Variants in PIGL observed in about 807,000 individuals in gnomAD.
PIGL encodes phosphatidylinositol glycan anchor biosynthesis class L.
PIGL carries 22 observed loss-of-function variants against 31.1 expected under a neutral mutation model. The observed-to-expected ratio is 0.71, with a 90% CI of 0.51 to 1.01. The LOEUF is 1.01. PIGL is among the 50% of genes least tolerant of loss of function. The probability of loss-of-function intolerance (pLI) is 0.00; values close to 1 mark genes in which losing one functional copy is unlikely to be tolerated. For missense variants in PIGL, 302 were observed against 315.9 expected (o/e 0.96, Z 0.33); for synonymous variants, 131 against 117.4 (o/e 1.12, Z -0.75).
intron 6 of PIGL, among the ~76,000 whole-genome samples, chr17:16,322,428 T>C (rs1214783728): frequency 1.3e-5 from 2 of 152,208 alleles, no homozygotes; most frequent in African/African-American, 4.8e-5. Flanking sequence ...CTTGAAAGGT[T>C]AGCTTTGTTT....
rs2093063697 is a variant in PIGL at position 16,313,542 on chromosome 17, T to A, written c.427-5T>A. 6.2e-7 allele frequency: 1 copy of A among 1,609,122 alleles called. No individual in the cohort carries two copies. The highest frequency in any genetic ancestry group is 1.7e-4 in the Middle Eastern group (1 of 6,048). Reference sequence around the variant, plus strand: ...ATTCAGTGAAAACCCTGTGTTTCTCTACAGGTGGTGACTTTCGATGCAGGG... The same window carrying A: ...ATTCAGTGAAAACCCTGTGTTTCTCAACAGGTGGTGACTTTCGATGCAGGG... On this transcript the variant is annotated splice_region_variant and splice_polypyrimidine_tract_variant and intron_variant, in intron 3 of 6. Transcript: ENST00000225609.
chr17:16,287,346 A>AT lies in PIGL; in HGVS notation c.336-12538dup, dbSNP rs551282179. ...TGGGAAGATGGACAGTTGTAAGATG[A>AT]TTTTCTTACAACTTTCAGACAGTCC... On this transcript the variant is annotated intron_variant, in intron 2 of 6. Transcript: ENST00000225609. 4.4e-3 allele frequency among the ~76,000 whole-genome samples: 671 copies of AT among 152,286 alleles called. 7 individuals are homozygous for AT. The highest frequency in any genetic ancestry group is 0.015 in the African/African-American group (627 of 41,542).
intron 2 of PIGL, among the ~76,000 whole-genome samples, chr17:16,237,304 C>T (rs926742205): frequency 6.6e-5 from 10 of 151,596 alleles, no homozygotes; most frequent in Middle Eastern, 3.4e-3. Flanking sequence ...GAAGGGGTTT[C>T]GCCATGTTGG....
chr17:16,234,927 A>G (rs1410286168), intron 2 of PIGL, among the ~76,000 whole-genome samples: 1 of 152,240 alleles, frequency 6.6e-6, no homozygotes, highest in South Asian at 2.1e-4. Context: ...ATACAAAAGT[A>G]TAAAGAATAG....
intron 6 of PIGL, among the ~76,000 whole-genome samples, chr17:16,318,845 C>T (rs1001168316): frequency 6.6e-6 from 1 of 151,496 alleles, no homozygotes; most frequent in African/African-American, 2.4e-5. Context: ...GCAGAAGAAT[C>T]GCATGAACCC....
intron 2 of PIGL, among the ~76,000 whole-genome samples, chr17:16,284,325 TC>T (rs2092928700): frequency 1.3e-5 from 2 of 152,088 alleles, no homozygotes; most frequent in Non-Finnish European, 2.9e-5. Flanking sequence ...TCCATTCTCC[TC>T]CACCTCCCAA....
At chr17:16,222,734 A>G (rs2092634982) in intron 1 of PIGL, among the ~76,000 whole-genome samples, 3 of 151,108 alleles carry the variant, frequency 2.0e-5, no homozygotes, top group Admixed American at 2.0e-4. Flanking sequence ...AAAAGAGGCC[A>G]GGCACAGTAG....
intron 2 of PIGL, among the ~76,000 whole-genome samples, chr17:16,271,706 A>G (rs2092873661): frequency 1.3e-5 from 2 of 151,710 alleles, no homozygotes; most frequent in South Asian, 4.2e-4. Flanking sequence ...TAATTTTTGT[A>G]TTTTTAGTAG....
intron 2 of PIGL, among the ~76,000 whole-genome samples, chr17:16,256,095 G>A (rs1018760160): frequency 2.6e-5 from 4 of 152,122 alleles, no homozygotes; most frequent in Admixed American, 6.6e-5. Flanking sequence ...CATTGGAAGA[G>A]GTTGTTTGGA....
intron 3 of PIGL, among the ~76,000 whole-genome samples, chr17:16,307,421 A>G (rs990662626): frequency 6.6e-6 from 1 of 152,216 alleles, no homozygotes; most frequent in Admixed American, 6.5e-5. Context: ...GCATGTTTCC[A>G]GCCTGTGCTG....
intron 3 of PIGL, among the ~76,000 whole-genome samples, chr17:16,311,891 C>T (rs1042931948): frequency 6.6e-6 from 1 of 152,220 alleles, no homozygotes; most frequent in Non-Finnish European, 1.5e-5. Context: ...TCTGATTTCT[C>T]TATCTTTTCC....
At chr17:16,253,045 G>T (rs993790211) in intron 2 of PIGL, among the ~76,000 whole-genome samples, 1 of 152,084 alleles carries the variant, frequency 6.6e-6, no homozygotes, top group Non-Finnish European at 1.5e-5. Context: ...TAGAGAAACC[G>T]CATTTCTACT....
intron 6 of PIGL, among the ~76,000 whole-genome samples, chr17:16,323,371 T>G (rs1418426346): frequency 6.6e-6 from 1 of 151,988 alleles, no homozygotes; most frequent in Non-Finnish European, 1.5e-5. Flanking sequence ...GTAGCTGGGA[T>G]TACAGGCAGG....
At chr17:16,301,723 C>G (rs987962727) in intron 3 of PIGL, among the ~76,000 whole-genome samples, 1 of 151,952 alleles carries the variant, frequency 6.6e-6, no homozygotes, top group Admixed American at 6.6e-5. Context: ...AGGCGCCCAC[C>G]ACCACACCCA....
At chr17:16,288,540 CTTTTTCTTTTTTTTT>C (rs1295937082) in intron 2 of PIGL, among the ~76,000 whole-genome samples, 6 of 112,418 alleles carry the variant, frequency 5.3e-5, no homozygotes, top group Non-Finnish European at 1.2e-4. Context: ...TCTTTTTTTT[CTTTTTCTTTTTTTTT>C]GAAACCGGAG....
intron 2 of PIGL, among the ~76,000 whole-genome samples, chr17:16,282,995 A>G (rs2092922716): frequency 7.2e-6 from 1 of 138,256 alleles, no homozygotes; most frequent in African/African-American, 2.5e-5. Context: ...CCCCATGTCT[A>G]CCAAAAAAGA....
chr17:16,283,947 A>ATGAAATGAGCAACTTGGGT (rs1335395553), intron 2 of PIGL: 1 of 151,020 alleles, frequency 6.6e-6, no homozygotes, highest in East Asian at 1.9e-4. Context: ...GGTGGCCACC[A>ATGAAATGAGCAACTTGGGT]GGATATTGCT....
intron 1 of PIGL, among the ~76,000 whole-genome samples, chr17:16,218,696 T>TA (rs71299855): frequency 6.6e-6 from 1 of 150,464 alleles, no homozygotes; most frequent in Non-Finnish European, 1.5e-5. Context: ...TTTTTTTTTT[T>TA]CTGAGATAGT....
intron 2 of PIGL, among the ~76,000 whole-genome samples, chr17:16,248,546 G>T (rs2092758113): frequency 6.6e-6 from 1 of 152,088 alleles, no homozygotes; most frequent in African/African-American, 2.4e-5. Context: ...CTGACATTCT[G>T]TTCATGATTG....
Sources: allele counts gnomAD v4.1 joint callset (sites outside exome capture counted in the v4.1 genomes callset), GRCh38; gene constraint gnomAD v4.1.1; transcripts MANE v1.5; gene names NCBI Gene and HGNC (gene_info 2026-07-23, HGNC 2026-07-21).